FOXP2: variants seen among roughly 807,000 people sequenced by gnomAD.
The protein encoded by FOXP2 is forkhead box protein P2.
A neutral mutation model predicts 115.8 loss-of-function variants in FOXP2; 12 were observed. That is an observed-to-expected ratio of 0.10 (90% CI 0.07 to 0.17). The LOEUF (loss-of-function observed/expected upper bound fraction) is 0.17. FOXP2 is among the 10% of genes least tolerant of loss of function. The pLI is 1.00. For missense variants in FOXP2, 629 were observed against 843.5 expected (o/e 0.75, Z 3.15); for synonymous variants, 328 against 297.7 (o/e 1.10, Z -1.05).
intron 1 of FOXP2, among the ~76,000 whole-genome samples, chr7:114,260,034 G>T (rs1409309015): frequency 6.6e-6 from 1 of 151,760 alleles, no homozygotes; most frequent in Non-Finnish European, 1.5e-5. Flanking sequence ...GGATTAGCGG[G>T]GTGTGTGCCT....
chr7:114,511,663 T>C (rs982840382), intron 2 of FOXP2, among the ~76,000 whole-genome samples: 14 of 152,182 alleles, frequency 9.2e-5, no homozygotes, highest in Admixed American at 2.0e-4. Flanking sequence ...TTTGTTCTTA[T>C]TAATGGTACT....
chr7:114,207,284 G>A (rs1246318164), intron 1 of FOXP2, among the ~76,000 whole-genome samples: 1 of 152,080 alleles, frequency 6.6e-6, no homozygotes, highest in Non-Finnish European at 1.5e-5. Flanking sequence ...GTTTTCATGT[G>A]GACATGTTTT....
chr7:114,551,557 A>G (rs1047062909), intron 3 of FOXP2, among the ~76,000 whole-genome samples: 3 of 152,156 alleles, frequency 2.0e-5, no homozygotes, highest in Non-Finnish European at 4.4e-5. Flanking sequence ...TGGTTCTTTA[A>G]AACTTATTTA....
At chr7:114,540,302 T>C (rs1799592044) in intron 3 of FOXP2, among the ~76,000 whole-genome samples, 1 of 152,064 alleles carries the variant, frequency 6.6e-6, no homozygotes, top group Non-Finnish European at 1.5e-5. Flanking sequence ...TCTATTAAAC[T>C]GTAAGCGATA....
chr7:114,337,409 A>T (rs891167654), intron 2 of FOXP2, among the ~76,000 whole-genome samples: 3 of 151,208 alleles, frequency 2.0e-5, no homozygotes. Flanking sequence ...TCTTACTATG[A>T]GCGATTCAAC....
At chr7:114,677,180 A>AAAAAACC (rs56165687) in intron 16 of FOXP2, among the ~76,000 whole-genome samples, 1 of 148,018 alleles carries the variant, frequency 6.8e-6, no homozygotes, top group South Asian at 2.1e-4. Flanking sequence ...AACAAAAAAA[A>AAAAAACC]AAAAAACAAA....
At chr7:114,415,499 C>T in intron 1 of FOXP2, 139 bp downstream of exon 1, 1 of 357,906 alleles carries the variant, frequency 2.8e-6, no homozygotes, top group East Asian at 7.4e-5. Context: ...TGAACTAGAG[C>T]ATTGTATCTG....
intron 3 of FOXP2, among the ~76,000 whole-genome samples, chr7:114,623,587 C>G (rs971323595): frequency 3.1e-4 from 47 of 151,964 alleles, no homozygotes; most frequent in Middle Eastern, 3.4e-3. Context: ...TCTCCATAAT[C>G]TCTACAATGA....
intron 3 of FOXP2, among the ~76,000 whole-genome samples, chr7:114,616,702 C>T (rs1339203726): frequency 6.6e-6 from 1 of 152,242 alleles, no homozygotes; most frequent in East Asian, 1.9e-4. Flanking sequence ...GGTAACTCCA[C>T]CTACACTATG....
intron 1 of FOXP2, among the ~76,000 whole-genome samples, chr7:114,135,856 CT>C (rs1170728098): frequency 9.2e-5 from 14 of 152,032 alleles, no homozygotes; most frequent in Non-Finnish European, 1.9e-4. Context: ...AATTTCCTTC[CT>C]AGTTCTCACC....
chr7:114,369,655 A>G (rs1288896620), intron 2 of FOXP2, among the ~76,000 whole-genome samples: 6 of 152,200 alleles, frequency 3.9e-5, no homozygotes, highest in Non-Finnish European at 7.3e-5. Context: ...TAGCTACATT[A>G]TATCAAAAAC....
intron 2 of FOXP2, among the ~76,000 whole-genome samples, chr7:114,296,406 G>A (rs1319158286): frequency 3.3e-5 from 5 of 152,004 alleles, no homozygotes; most frequent in Non-Finnish European, 7.4e-5. Flanking sequence ...CTTACCCAAA[G>A]ATAGTATTAA....
chr7:114,187,440 T>C (rs1793637253), intron 1 of FOXP2, among the ~76,000 whole-genome samples: 2 of 152,186 alleles, frequency 1.3e-5, no homozygotes, highest in South Asian at 4.1e-4. Context: ...CTGTCTCAGA[T>C]TTCAGTACCT....
intron 8 of FOXP2, among the ~76,000 whole-genome samples, chr7:114,650,804 AGTTTCTCTTCAACC>A (rs1806206164): frequency 6.6e-6 from 1 of 151,928 alleles, no homozygotes; most frequent in South Asian, 2.1e-4. Flanking sequence ...TTTAGTCCAC[AGTTTCTCTTCAACC>A]AAGACTGACA....
intron 1 of FOXP2, among the ~76,000 whole-genome samples, chr7:114,121,518 G>C (rs975446014): frequency 8.5e-5 from 13 of 152,092 alleles, no homozygotes; most frequent in Non-Finnish European, 1.2e-4. Flanking sequence ...GTGGATATAT[G>C]GATCTTGAAC....
intron 6 of FOXP2, among the ~76,000 whole-genome samples, chr7:114,635,941 C>G (rs1319485216): frequency 6.6e-6 from 1 of 152,056 alleles, no homozygotes; most frequent in Non-Finnish European, 1.5e-5. Flanking sequence ...TTCACATATC[C>G]CAGAAGTTCC....
intron 1 of FOXP2, among the ~76,000 whole-genome samples, chr7:114,139,899 G>A (rs533582597): frequency 1.5e-3 from 228 of 152,188 alleles, no homozygotes; most frequent in Admixed American, 2.4e-3. Flanking sequence ...GATTGCCTGA[G>A]CTCAGGAGTT....
chr7:114,542,006 T>C lies in FOXP2; in HGVS notation c.258+7300T>C, dbSNP rs545991537. Among the ~76,000 whole-genome samples the C allele has an allele frequency of 3.3e-5, 5 of 152,158 alleles. No homozygotes were observed. In the East Asian group the frequency reaches 9.7e-4, roughly 29 times the overall value. On this transcript the variant is annotated intron_variant, in intron 3 of 16. Coordinates refer to ENST00000350908, the MANE Select transcript of FOXP2 (RefSeq NM_014491.4). Reference sequence around the variant, plus strand: ...AGTGAAGAACAGTGTCAGCACATGATTAAAGACAAAAAGTAAAATTATTTT... The same window carrying C: ...AGTGAAGAACAGTGTCAGCACATGACTAAAGACAAAAAGTAAAATTATTTT...
chr7:114,270,116 G>T (rs185213539), intron 1 of FOXP2, among the ~76,000 whole-genome samples: 1 of 152,114 alleles, frequency 6.6e-6, no homozygotes. Context: ...AATAATATAC[G>T]TTTAAGGTTT....
Sources: gnomAD v4.1 joint callset for allele counts (sites outside exome capture counted in the v4.1 genomes callset) on GRCh38, gnomAD v4.1.1 for gene constraint, MANE v1.5 for transcripts, NCBI Gene and HGNC (gene_info 2026-07-23, HGNC 2026-07-21) for gene names.